Variants in VWDE observed in about 807,000 individuals in gnomAD.
The protein encoded by VWDE is von Willebrand factor D and EGF domains.
Under a neutral mutation model 178.4 loss-of-function variants are expected in VWDE, and 207 were observed. The ratio of observed to expected loss-of-function variants is 1.16; its 90% CI spans 1.04 to 1.30. The LOEUF (loss-of-function observed/expected upper bound fraction) is 1.30, where lower values mean the gene tolerates loss of function less well. Among genes scored for constraint, VWDE ranks in the 50% most tolerant of loss-of-function variants. The pLI, the probability that VWDE is intolerant of heterozygous loss-of-function variation, is 0.00. For synonymous variants in VWDE, 738 were observed against 651.4 expected (o/e 1.13, Z -2.02); for missense variants, 2,287 against 1,901.3 (o/e 1.20, Z -3.77).
At chr7:12,392,754 G>C (rs1784443113) in intron 2 of VWDE, among the ~76,000 whole-genome samples, 1 of 148,300 alleles carries the variant, frequency 6.7e-6, no homozygotes, top group East Asian at 2.0e-4. Flanking sequence ...ACAATGCTAT[G>C]ATCACAATCA....
At chr7:12,380,400 A>G (rs1402520754) in intron 5 of VWDE, 86 bp downstream of exon 5, 1 of 1,473,310 alleles carries the variant, frequency 6.8e-7, no homozygotes, top group African/African-American at 1.4e-5. Flanking sequence ...TGGGGACAAA[A>G]TCTATTTTTT....
chr7:12,354,417 A>T (rs1358133622), intron 18 of VWDE: 1 of 443,558 alleles, frequency 2.3e-6, no homozygotes, highest in Admixed American at 2.5e-5. Flanking sequence ...AACCAAAGGT[A>T]TTCAGGCATG....
intron 19 of VWDE, among the ~76,000 whole-genome samples, chr7:12,349,845 A>G (rs1478654073): frequency 2.0e-5 from 3 of 152,126 alleles, no homozygotes; most frequent in Non-Finnish European, 4.4e-5. Context: ...AAATAGCTAT[A>G]CATAAGAAGA....
Position 12,370,078 on chromosome 7 carries a change from C to G in VWDE, c.2228G>C (p.Arg743Thr), listed in dbSNP as rs771106513. 2 of 1,551,526 alleles carry G rather than the reference C, an allele frequency of 1.3e-6. No individual in the cohort carries two copies. The highest frequency in any genetic ancestry group is 2.4e-5 in the South Asian group (2 of 84,058). The change falls in exon 12 of 29, where the codon AGG (arginine) becomes ACG (threonine). Residue 743 changes from arginine (R) to threonine (T), a missense_variant. Arg to Thr is a moderately conservative substitution (Grantham distance 71). Coordinates refer to ENST00000275358, the MANE Select transcript of VWDE (RefSeq NM_001135924.3). ...QGRGSHSQEM[R>T]YNRQNRWKRQ... ...TTTCCATCTGTTTTGTCGATTGTAC[C>G]TCATTTCTTGGCTGTGGCTTCCCCG...
At chr7:12,366,693 A>G (rs948004286) in intron 13 of VWDE, among the ~76,000 whole-genome samples, 2 of 152,110 alleles carry the variant, frequency 1.3e-5, no homozygotes, top group Non-Finnish European at 2.9e-5. Flanking sequence ...GAGAAAAAGT[A>G]AGAAGAATAT....
chr7:12,394,187 A>T (rs1459905744), intron 1 of VWDE, among the ~76,000 whole-genome samples: 2 of 152,196 alleles, frequency 1.3e-5, no homozygotes, highest in African/African-American at 4.8e-5. Context: ...AAGTAGCCAC[A>T]TGCCTAAAAA....
intron 19 of VWDE, among the ~76,000 whole-genome samples, chr7:12,349,440 T>C (rs1164392530): frequency 6.6e-6 from 1 of 150,626 alleles, no homozygotes; most frequent in Non-Finnish European, 1.5e-5. Flanking sequence ...AGACTATGAG[T>C]TCATATTTAT....
Position 12,344,402 on chromosome 7 carries a change from A to G in VWDE, c.3954T>C (p.Pro1318=). Residue 1318 remains proline (P), a synonymous_variant, in exon 20 of 29, where the codon CCT becomes CCC. Transcript: ENST00000275358. ...TTTGGCAGTTAGAACCAATGTAACC[A>G]GGTTTACATTTGCAGATGTTTGGGG... ...CVAPNICKCK[P]GYIGSNCQTA... 6.4e-7 allele frequency: 1 copy of G among 1,550,992 alleles called. No homozygotes were observed. Among genetic ancestry groups the G allele is most frequent in the Non-Finnish European group, 8.7e-7 (1 of 1,146,526 alleles).
chr7:12,375,294 T>A, intron 7 of VWDE, 67 bp from the exon 8 acceptor site: 1 of 1,117,874 alleles, frequency 8.9e-7, no homozygotes, highest in African/African-American at 1.6e-5. Flanking sequence ...TGTAATAAAT[T>A]AATTAACATG....
rs1780693408 is a variant in VWDE at position 12,331,118 on chromosome 7, C to CT, written c.*64dup. Reference sequence around the variant, plus strand: ...CAAATAAACTCCAAGTTATCTCCAACTTTTTCTGAACAAAATATTTCCATT... The same window carrying CT: ...CAAATAAACTCCAAGTTATCTCCAACTTTTTTCTGAACAAAATATTTCCATT... On this transcript the variant is annotated 3_prime_UTR_variant, in exon 29 of 29. Coordinates refer to ENST00000275358, the MANE Select transcript of VWDE (RefSeq NM_001135924.3). 1 of 1,418,920 alleles carries CT rather than the reference C, an allele frequency of 7.0e-7. No homozygotes were observed. Among genetic ancestry groups the CT allele is most frequent in the African/African-American group, 1.5e-5 (1 of 68,008 alleles). The allele number at this position is 1,418,920 out of a possible 1,614,324, so 87.9% of individuals were successfully genotyped here.
chr7:12,366,898 T>A (rs1049710402), intron 13 of VWDE, among the ~76,000 whole-genome samples: 8 of 152,082 alleles, frequency 5.3e-5, no homozygotes, highest in African/African-American at 9.6e-5. Context: ...TTTAGAAAGA[T>A]AAATACTATT....
intron 1 of VWDE, among the ~76,000 whole-genome samples, chr7:12,400,418 T>C (rs1784844014): frequency 6.6e-6 from 1 of 152,150 alleles, no homozygotes; most frequent in Non-Finnish European, 1.5e-5. Flanking sequence ...AGGAATACTA[T>C]GACTGCTATA....
intron 9 of VWDE, among the ~76,000 whole-genome samples, chr7:12,374,260 T>C (rs1400798523): frequency 6.6e-6 from 1 of 152,110 alleles, no homozygotes; most frequent in Non-Finnish European, 1.5e-5. Flanking sequence ...ATAGTTTTTT[T>C]CCTGAGTATT....
In VWDE at chr7:12,356,126, G is replaced by C; in HGVS notation, c.3730C>G (p.Pro1244Ala). The C allele has an allele frequency of 6.4e-7, 1 of 1,551,138 alleles. No homozygotes were observed. Among genetic ancestry groups the C allele is most frequent in the Non-Finnish European group, 8.7e-7 (1 of 1,146,932 alleles). Residue 1244 changes from proline to alanine, a missense_variant, in exon 18 of 29, where the codon CCA becomes GCA. By Grantham distance (27) the Pro-to-Ala change is conservative (BLOSUM62 -1). Transcript: ENST00000275358. ...SGFHSYSCDC[P>A]PELKVETQFV... ...AAAATCTTACCTTTGAGCTCAGGTG[G>C]ACAATCACAGGAATAACTGTGAAAA...
intron 3 of VWDE, among the ~76,000 whole-genome samples, chr7:12,386,163 T>C (rs1189667094): frequency 2.6e-5 from 4 of 152,158 alleles, no homozygotes; most frequent in African/African-American, 9.7e-5. Flanking sequence ...AAATATTTGG[T>C]AATATTATAG....
At position 12,380,650 on chromosome 7, in the gene VWDE, T is replaced by C; in HGVS notation, c.625A>G (p.Arg209Gly). ...VELIESRLFC[R>G]CSFDVPATKN... ...GTAGCGGGAACATCAAAAGAACACC[T>C]ACAGAAAAGCCTGGACTCAATCAAC... Residue 209 changes from arginine to glycine, a missense_variant, in exon 5 of 29, where the codon AGG (arginine) becomes GGG (glycine). By Grantham distance (125) the Arg-to-Gly change is moderately radical. Coordinates refer to ENST00000275358, the MANE Select transcript of VWDE (RefSeq NM_001135924.3). 1.3e-6 allele frequency: 2 copies of C among 1,552,174 alleles called. No homozygotes were observed. The highest frequency in any genetic ancestry group is 1.7e-6 in the Non-Finnish European group (2 of 1,147,106).
chr7:12,336,686 G>T (rs1781051586), intron 26 of VWDE, among the ~76,000 whole-genome samples: 1 of 152,152 alleles, frequency 6.6e-6, no homozygotes, highest in Non-Finnish European at 1.5e-5. Flanking sequence ...CAAGAAGTCA[G>T]TAATTTTTAA....
Position 12,359,611 on chromosome 7 carries a change from T to C in VWDE, c.3241A>G (p.Lys1081Glu). 1 of 1,550,334 alleles carries C rather than the reference T, an allele frequency of 6.5e-7. No individual in the cohort carries two copies. The highest frequency in any genetic ancestry group is 8.7e-7 in the Non-Finnish European group (1 of 1,146,184). ...AATGACCAAGTAAATCTTGAAATTT[T>C]GGGTCTACAAATCAAACAAGGGCTG... The part of the protein sequence containing the change: ...PTSPCLICRP[K>E]ISRFTWSFLE... The change falls in exon 16 of 29, where the codon AAA (lysine) becomes GAA (glutamate). Residue 1081 changes from lysine to glutamate, a missense_variant. Physicochemically the swap from Lys to Glu is moderately conservative, Grantham distance 56. Transcript: ENST00000275358.
chr7:12,377,385 T>C (rs529059206), intron 7 of VWDE, among the ~76,000 whole-genome samples: 1 of 152,150 alleles, frequency 6.6e-6, no homozygotes, highest in Non-Finnish European at 1.5e-5. Flanking sequence ...ACTTATCAAA[T>C]GTCTCTCATT....
Sources: gnomAD v4.1 joint callset for allele counts (sites outside exome capture counted in the v4.1 genomes callset) on GRCh38, gnomAD v4.1.1 for gene constraint, MANE v1.5 for transcripts, NCBI Gene and HGNC (gene_info 2026-07-23, HGNC 2026-07-21) for gene names.